BBS9: variants seen among roughly 807,000 people sequenced by gnomAD.
BBS9 encodes the protein protein PTHB1.
A neutral mutation model predicts 117.7 loss-of-function variants in BBS9; 89 were observed. The observed-to-expected ratio is 0.76, with a 90% CI of 0.64 to 0.90. BBS9 has a LOEUF of 0.90. Among genes scored for constraint, BBS9 ranks in the 40% least tolerant of loss-of-function variants. The probability of loss-of-function intolerance (pLI) is 0.00; values close to 1 mark genes in which losing one functional copy is unlikely to be tolerated. For synonymous variants in BBS9, 379 were observed against 370.9 expected (o/e 1.02, Z -0.25); for missense variants, 982 against 1,042.2 (o/e 0.94, Z 0.80).
rs1460127689 is a variant in BBS9 at position 33,492,217 on chromosome 7, A to AC, written c.2116-13246_2116-13245insC. ...GATTCCACCTCGAAAAAAAAAACAA[A>AC]AAAAAAACAAAAAAAAAACTTGGTT... On this transcript the variant is annotated intron_variant, in intron 19 of 22. Coordinates refer to ENST00000242067, the MANE Select transcript of BBS9 (RefSeq NM_198428.3). Among the ~76,000 whole-genome samples, 15 of 149,240 alleles carry AC rather than the reference A, an allele frequency of 1.0e-4. 2 individuals carry two copies. The highest frequency in any genetic ancestry group is 2.0e-4 in the African/African-American group (8 of 39,388).
chr7:33,562,697 G>A (rs1399814117), intron 21 of BBS9, among the ~76,000 whole-genome samples: 3 of 152,194 alleles, frequency 2.0e-5, no homozygotes, highest in Non-Finnish European at 4.4e-5. Context: ...AGGCCGAGGT[G>A]GGTGGACCAC....
chr7:33,558,128 G>C (rs138337510), intron 21 of BBS9, among the ~76,000 whole-genome samples: 2 of 152,052 alleles, frequency 1.3e-5, no homozygotes, highest in Non-Finnish European at 1.5e-5. Flanking sequence ...TATTGAATAC[G>C]TACTCTGTGC....
At chr7:33,613,395 C>T (rs977971521) in intron 21 of BBS9, among the ~76,000 whole-genome samples, 1 of 151,976 alleles carries the variant, frequency 6.6e-6, no homozygotes, top group African/African-American at 2.4e-5. Context: ...TGCTCTTTTA[C>T]TTGTCACTTC....
At chr7:33,182,970 A>G (rs958583632) in intron 5 of BBS9, among the ~76,000 whole-genome samples, 3 of 152,128 alleles carry the variant, frequency 2.0e-5, no homozygotes, top group African/African-American at 7.2e-5. Flanking sequence ...GGACATTTCC[A>G]TACCTTCTAG....
downstream of BBS9, among the ~76,000 whole-genome samples, chr7:33,610,243 G>A (rs1421531543): frequency 1.3e-5 from 2 of 152,114 alleles, no homozygotes; most frequent in African/African-American, 4.8e-5. Flanking sequence ...ATATGTATGG[G>A]ATAGCACTAT....
chr7:33,557,194 T>G (rs1274022963), intron 21 of BBS9, among the ~76,000 whole-genome samples: 4 of 152,236 alleles, frequency 2.6e-5, no homozygotes, highest in Non-Finnish European at 5.9e-5. Context: ...CTAGAATACT[T>G]GTAAAATCAT....
intron 4 of BBS9, among the ~76,000 whole-genome samples, chr7:33,164,277 C>G (rs572129087): frequency 6.6e-6 from 1 of 152,002 alleles, no homozygotes. Flanking sequence ...TGAATAAGTG[C>G]GATGTGGTGC....
At chr7:33,163,320 G>T (rs1795159205) in intron 4 of BBS9, among the ~76,000 whole-genome samples, 1 of 152,044 alleles carries the variant, frequency 6.6e-6, no homozygotes, top group South Asian at 2.1e-4. Context: ...GCCAGCCTTT[G>T]GTATCAGGAT....
intron 21 of BBS9, among the ~76,000 whole-genome samples, chr7:33,539,598 T>G (rs903761417): frequency 1.1e-4 from 17 of 152,218 alleles, no homozygotes; most frequent in African/African-American, 3.6e-4. Context: ...ACAGAAAGGG[T>G]CCTTTTAAGA....
intron 16 of BBS9, among the ~76,000 whole-genome samples, chr7:33,365,678 G>T (rs191844838): frequency 6.6e-6 from 1 of 152,226 alleles, no homozygotes; most frequent in Non-Finnish European, 1.5e-5. Context: ...CTGAAGCATG[G>T]GTATGTGTAA....
chr7:33,327,877 G>C (rs1813168316), intron 9 of BBS9, among the ~76,000 whole-genome samples: 1 of 152,164 alleles, frequency 6.6e-6, no homozygotes, highest in Non-Finnish European at 1.5e-5. Flanking sequence ...GTTCTTTCTG[G>C]ATGAGCAGCT....
intron 9 of BBS9, among the ~76,000 whole-genome samples, chr7:33,304,603 T>G (rs1332846576): frequency 6.6e-6 from 1 of 152,062 alleles, no homozygotes; most frequent in African/African-American, 2.4e-5. Context: ...AAGTGTGAAG[T>G]GACAGCCTTT....
At chr7:33,592,004 A>G (rs1249705841) in intron 21 of BBS9, among the ~76,000 whole-genome samples, 1 of 151,974 alleles carries the variant, frequency 6.6e-6, no homozygotes, top group Non-Finnish European at 1.5e-5. Flanking sequence ...TTTTCATGTG[A>G]ATTACTTTTA....
chr7:33,156,229 A>G (rs1333357079), intron 4 of BBS9, among the ~76,000 whole-genome samples: 1 of 152,134 alleles, frequency 6.6e-6, no homozygotes, highest in Non-Finnish European at 1.5e-5. Context: ...GGTTTTTATT[A>G]AAATTATAGT....
intron 12 of BBS9, among the ~76,000 whole-genome samples, chr7:33,348,114 C>T (rs1201234835): frequency 6.6e-6 from 1 of 152,036 alleles, no homozygotes; most frequent in African/African-American, 2.4e-5. Context: ...AACATTTTAT[C>T]CCACCTAAAA....
intron 20 of BBS9, among the ~76,000 whole-genome samples, chr7:33,528,366 T>C (rs979374942): frequency 3.3e-5 from 5 of 152,192 alleles, no homozygotes; most frequent in African/African-American, 4.8e-5. Context: ...ACCTTTTCTC[T>C]CTCTCTTAGG....
chr7:33,353,912 A>G (rs978399684), intron 15 of BBS9, among the ~76,000 whole-genome samples: 4 of 152,232 alleles, frequency 2.6e-5, no homozygotes, highest in Middle Eastern at 3.4e-3. Context: ...CCTGATATTA[A>G]TAATGAATAT....
chr7:33,314,143 C>A, intron 9 of BBS9: 1 of 214,158 alleles, frequency 4.7e-6, no homozygotes, highest in Non-Finnish European at 9.6e-6. Context: ...GACTTATTTC[C>A]AGGAAGGGGT....
intron 19 of BBS9, among the ~76,000 whole-genome samples, chr7:33,423,080 G>T (rs1238666124): frequency 1.3e-5 from 2 of 152,126 alleles, no homozygotes; most frequent in Non-Finnish European, 2.9e-5. Flanking sequence ...CCAGGGATCG[G>T]AACACTTTGC....
Sources: allele counts gnomAD v4.1 joint callset (sites outside exome capture counted in the v4.1 genomes callset), GRCh38; gene constraint gnomAD v4.1.1; transcripts MANE v1.5; gene names NCBI Gene and HGNC (gene_info 2026-07-23, HGNC 2026-07-21).